TBX22: variants seen among roughly 807,000 people sequenced by gnomAD.
TBX22 encodes the protein T-box transcription factor TBX22.
A neutral mutation model predicts 30.1 loss-of-function variants in TBX22; 8 were observed. The observed-to-expected ratio is 0.27, with a 90% CI of 0.16 to 0.48. The LOEUF (loss-of-function observed/expected upper bound fraction) is 0.48. Among genes scored for constraint, TBX22 ranks in the 20% least tolerant of loss-of-function variants. The pLI is 0.99. For synonymous variants in TBX22, 173 were observed against 149.1 expected (o/e 1.16, Z -1.17); for missense variants, 463 against 400.5 (o/e 1.16, Z -1.33).
intron 5 of TBX22, 58 bp from the exon 6 acceptor site, chrX:80,026,646 A>G: frequency 1.8e-6 from 2 of 1,131,538 alleles, no homozygotes; most frequent in East Asian, 6.0e-5. Context: ...CAGGAGAGGG[A>G]ACTAGGGTTT....
intron 1 of TBX22, among the ~76,000 whole-genome samples, chrX:80,017,570 G>T (rs750318656): frequency 9.0e-6 from 1 of 111,200 alleles, no homozygotes; most frequent in Non-Finnish European, 1.9e-5. Context: ...ACAGCTGAAA[G>T]GTGACCATAC....
chrX:80,020,335 TAGAC>T (rs752656936), intron 1 of TBX22, among the ~76,000 whole-genome samples: 42 of 95,579 alleles, frequency 4.4e-4, no homozygotes, highest in Admixed American at 7.7e-4. Flanking sequence ...TATAGATAGA[TAGAC>T]AGATAGATAG....
rs570765722 is a variant in TBX22 at position 80,015,855 on chromosome X, C to A, written c.-3+968C>A. Among the ~76,000 whole-genome samples, 27 of 112,129 alleles carry A rather than the reference C, an allele frequency of 2.4e-4. 1 individual carries two copies. In the South Asian group the frequency reaches 9.3e-3, roughly 39 times the overall value. ...TGTCTTTATTTCTTAATTATTAAAA[C>A]CTTCCCTTTTGCCCCTCGGAGCATT... On this transcript the variant is annotated intron_variant, in intron 1 of 8. Transcript: ENST00000373296.
chrX:80,031,004 A>G lies in TBX22; in HGVS notation c.1456A>G (p.Ile486Val), dbSNP rs1245730670. 1 of 1,211,844 alleles carries G rather than the reference A, an allele frequency of 8.3e-7. No individual in the cohort carries two copies. Among genetic ancestry groups the G allele is most frequent in the South Asian group, 1.8e-5 (1 of 57,049 alleles). The change falls in exon 9 of 9, where the codon ATA becomes GTA. Residue 486 changes from isoleucine (I) to valine (V), a missense_variant. Coordinates refer to ENST00000373296, the MANE Select transcript of TBX22 (RefSeq NM_001109878.2). ...RYNFSMPSRL[I>V]SGSNHLKVND... Reference sequence around the variant, plus strand: ...CAATTTCTCTATGCCATCTAGACTGATAAGTGGTTCCAACCATCTTAAAGT... The same window carrying G: ...CAATTTCTCTATGCCATCTAGACTGGTAAGTGGTTCCAACCATCTTAAAGT...
intron 3 of TBX22, 63 bp downstream of exon 3, chrX:80,023,303 G>C: frequency 1.9e-6 from 2 of 1,052,537 alleles, no homozygotes; most frequent in Non-Finnish European, 2.7e-6. Flanking sequence ...TTACCGCTCT[G>C]GTAAGATGAG....
At chrX:80,026,216 C>G (rs1923965937) in intron 5 of TBX22, among the ~76,000 whole-genome samples, 2 of 111,550 alleles carry the variant, frequency 1.8e-5, no homozygotes, top group South Asian at 7.5e-4. Flanking sequence ...CTGGAAATCT[C>G]CCAAACAACC....
intron 8 of TBX22, 146 bp from the exon 9 acceptor site, chrX:80,030,352 C>T: frequency 1.4e-6 from 1 of 722,461 alleles, no homozygotes; most frequent in Non-Finnish European, 2.1e-6. Context: ...TGAGCAGGTC[C>T]TGTCTCAAAG....
intron 1 of TBX22, among the ~76,000 whole-genome samples, chrX:80,017,426 A>G (rs1221977563): frequency 9.1e-6 from 1 of 110,044 alleles, no homozygotes; most frequent in Admixed American, 9.8e-5. Flanking sequence ...AGCCTCCCAA[A>G]GCACTGAGAT....
chrX:80,025,858 G>T (rs1923949620), intron 5 of TBX22, 81 bp downstream of exon 5: 2 of 895,438 alleles, frequency 2.2e-6, no homozygotes, highest in Non-Finnish European at 3.2e-6. Context: ...GGCCAGGGAG[G>T]CTTTTTGCAG....
At chrX:80,021,171 T>G (rs1411759549) in intron 1 of TBX22, among the ~76,000 whole-genome samples, 1 of 112,382 alleles carries the variant, frequency 8.9e-6, no homozygotes, top group Non-Finnish European at 1.9e-5. Flanking sequence ...CCGAACATTT[T>G]GAGTTGTGCA....
rs1223454382 is a variant in TBX22 at position 80,025,799 on chromosome X, C to T, written c.633+22C>T. On this transcript the variant is annotated intron_variant, in intron 5 of 8. Coordinates refer to ENST00000373296, the MANE Select transcript of TBX22 (RefSeq NM_001109878.2). ...CCACGTACGTGAGCACAATCCTTTACCCCGAGGAGGGAGGTGCCAAGGCTC... is the reference window on the plus strand; with the variant it reads ...CCACGTACGTGAGCACAATCCTTTATCCCGAGGAGGGAGGTGCCAAGGCTC... The T allele has an allele frequency of 4.2e-6, 5 of 1,177,910 alleles. No homozygotes were observed. In the South Asian group the frequency reaches 7.4e-5, roughly 18 times the overall value.
rs764697816 is a variant in TBX22, at chrX:80,027,349, T to A, written c.863+29T>A. On this transcript the variant is annotated intron_variant, in intron 7 of 8. Transcript: ENST00000373296. Reference sequence around the variant, plus strand: ...AGCAGCATAGCAATGACATCTAATATTGATGTAGCTAGCTATTTTCACAAG... The same window carrying A: ...AGCAGCATAGCAATGACATCTAATAATGATGTAGCTAGCTATTTTCACAAG... The A allele has an allele frequency of 2.4e-4, 189 of 786,639 alleles. No homozygotes were observed. The South Asian group carries it at 4.0e-3, about 17-fold the overall frequency. 64.8% of individuals were successfully genotyped at this position (786,639 alleles called of 1,213,427 possible). A position where few individuals can be genotyped will look rare whatever the true frequency, so the allele number is the denominator to read the frequency against.
chrX:80,015,617 G>A (rs764261473), intron 1 of TBX22, among the ~76,000 whole-genome samples: 19 of 111,645 alleles, frequency 1.7e-4, no homozygotes, highest in African/African-American at 5.2e-4. Context: ...CTCATACACC[G>A]CATTGTAACA....
rs1193153789 is a variant in TBX22, at chrX:80,030,905, A to AT, written c.1362dup (p.Leu455SerfsTer11). 1 of 1,211,410 alleles carries AT rather than the reference A, an allele frequency of 8.3e-7. No homozygotes were observed. Among genetic ancestry groups the AT allele is most frequent in the African/African-American group, 1.7e-5 (1 of 57,799 alleles). The stretch of plus-strand genomic sequence containing the variant: ...ATATGGATTACAGTCACCTGGAAAT[A>AT]TTTTTCTGCCAAACTCCATCACCCC... On this transcript the variant is annotated frameshift_variant, in exon 9 of 9. Transcript: ENST00000373296. LOFTEE classifies it high-confidence loss of function.
At chrX:80,015,756 T>A (rs6621546) in intron 1 of TBX22, among the ~76,000 whole-genome samples, 3 of 111,018 alleles carry the variant, frequency 2.7e-5, no homozygotes, top group Non-Finnish European at 5.7e-5. Context: ...GGTTGCTTTG[T>A]TTCAGTTCAG....
intron 8 of TBX22, among the ~76,000 whole-genome samples, chrX:80,029,943 T>C (rs1303675124): frequency 9.0e-6 from 1 of 111,721 alleles, no homozygotes; most frequent in Non-Finnish European, 1.9e-5. Context: ...AAAGTAATAG[T>C]GGTAGTAGTA....
chrX:80,028,648 A>C (rs2147603841), intron 8 of TBX22, among the ~76,000 whole-genome samples: 1 of 112,354 alleles, frequency 8.9e-6, no homozygotes, highest in South Asian at 3.7e-4. Context: ...ACAAAATAAT[A>C]ATAATTAAAT....
intron 2 of TBX22, 70 bp downstream of exon 2, chrX:80,022,514 G>T: frequency 9.3e-7 from 1 of 1,074,982 alleles, no homozygotes; most frequent in Non-Finnish European, 1.3e-6. Flanking sequence ...CCTGGCTCGC[G>T]TCCCGACGCA....
intron 5 of TBX22, 111 bp downstream of exon 5, chrX:80,025,888 T>A: frequency 4.4e-6 from 3 of 682,028 alleles, no homozygotes; most frequent in South Asian, 5.2e-5. Flanking sequence ...TTGTGTTTTT[T>A]AGGAACTGTT....
Sources: gnomAD v4.1 joint callset for allele counts (sites outside exome capture counted in the v4.1 genomes callset) on GRCh38, gnomAD v4.1.1 for gene constraint, MANE v1.5 for transcripts, NCBI Gene and HGNC (gene_info 2026-07-23, HGNC 2026-07-21) for gene names.